The following ANKRD30B variants were observed in gnomAD, a reference collection of about 807,000 sequenced individuals.
ANKRD30B encodes the protein ankyrin repeat domain-containing protein 30B.
ANKRD30B carries 144 observed loss-of-function variants against 202.2 expected under a neutral mutation model. The ratio of observed to expected loss-of-function variants is 0.71; its 90% confidence interval spans 0.62 to 0.82. The LOEUF (loss-of-function observed/expected upper bound fraction) is 0.82, where lower values mean the gene tolerates loss of function less well. ANKRD30B is among the 40% of genes least tolerant of loss of function. The pLI is 0.00. For synonymous variants in ANKRD30B, 508 were observed against 561.3 expected, an observed-to-expected ratio of 0.91 and a Z score of 1.34; for missense variants, 1,487 against 1,669.1, an observed-to-expected ratio of 0.89 and a Z score of 1.90.
the ANKRD30B span, among the ~76,000 whole-genome samples, chr18:14,875,862 G>A: frequency 2.6e-3 from 395 of 152,226 alleles, 3 homozygotes; most frequent in African/African-American, 8.9e-3. Context: ...CTGAAAGTGC[G>A]TTTCTTCATC....
At chr18:14,872,535 A>C in the ANKRD30B span, among the ~76,000 whole-genome samples, 1 of 152,152 alleles carries the variant, frequency 6.6e-6, no homozygotes, top group African/African-American at 2.4e-5. Flanking sequence ...GGTTATATAG[A>C]AATCAATGCA....
chr18:14,825,565 T>C (rs1970624227), intron 32 of ANKRD30B, among the ~76,000 whole-genome samples: 1 of 151,676 alleles, frequency 6.6e-6, no homozygotes, highest in African/African-American at 2.4e-5. Context: ...TGCTACCAAC[T>C]CAAAGTAAAG....
Position 14,852,207 on chromosome 18 carries a change from A to G in ANKRD30B, c.4263A>G (p.Lys1421=), listed in dbSNP as rs567664974. The change falls in exon 42 of 44, where the codon AAA becomes AAG. Residue 1421 remains lysine, a synonymous_variant. Transcript: ENST00000690538. The part of the protein sequence containing the change: ...HTEQQESLEQ[K]LFQLESKNRW... Reference sequence around the variant, plus strand: ...AACAGCAGGAGTCTCTGGAGCAGAAATTATTTCAACTAGAAAGCAAAAATA... The same window carrying G: ...AACAGCAGGAGTCTCTGGAGCAGAAGTTATTTCAACTAGAAAGCAAAAATA... The G allele has an allele frequency of 1.0e-5, 16 of 1,591,818 alleles. No individual in the cohort carries two copies. In the African/African-American group the frequency reaches 1.9e-4, roughly 19 times the overall value.
intron 10 of ANKRD30B, among the ~76,000 whole-genome samples, chr18:14,779,496 T>C (rs771572507): frequency 2.0e-5 from 3 of 152,238 alleles, no homozygotes; most frequent in Non-Finnish European, 2.9e-5. Context: ...TATTTCCTAA[T>C]ATCAAAAAGT....
rs1971238809 is a variant in ANKRD30B at position 14,837,696 on chromosome 18, T to C, written c.2988+20T>C. ...TCTGAGGTACTGTGTATTGTTGTTG[T>C]TGTTATTTTAAAACTTAAGTACTCA... On this transcript the variant is annotated intron_variant, in intron 36 of 43. Coordinates refer to ENST00000690538, the MANE Select transcript of ANKRD30B (RefSeq NM_001367607.2). 3.3e-6 allele frequency: 5 copies of C among 1,533,832 alleles called. No individual in the cohort carries two copies. The highest frequency in any genetic ancestry group is 1.2e-5 in the South Asian group (1 of 80,408).
chr18:14,853,347 A>G (rs912853741), intron 42 of ANKRD30B, among the ~76,000 whole-genome samples: 3 of 152,156 alleles, frequency 2.0e-5, no homozygotes, highest in East Asian at 3.8e-4. Flanking sequence ...GTCAGGAGGG[A>G]TGTGGAGACC....
At chr18:14,883,228 C>G in the ANKRD30B span, among the ~76,000 whole-genome samples, 2 of 151,868 alleles carry the variant, frequency 1.3e-5, no homozygotes, top group African/African-American at 4.8e-5. Context: ...TACAGAGGCA[C>G]ATTAGAATCT....
intron 32 of ANKRD30B, among the ~76,000 whole-genome samples, chr18:14,826,409 A>C (rs1970659273): frequency 1.3e-5 from 2 of 152,166 alleles, no homozygotes; most frequent in Non-Finnish European, 2.9e-5. Flanking sequence ...CAAAAGAATT[A>C]TTTTAGAGTT....
At chr18:14,921,584 G>A in the ANKRD30B span, among the ~76,000 whole-genome samples, 2 of 152,098 alleles carry the variant, frequency 1.3e-5, no homozygotes, top group Non-Finnish European at 1.5e-5. Flanking sequence ...TCATAGAATA[G>A]CCTTCTAAAC....
chr18:14,931,630 G>A, the ANKRD30B span, among the ~76,000 whole-genome samples: 1 of 152,166 alleles, frequency 6.6e-6, no homozygotes, highest in Admixed American at 6.5e-5. Context: ...AAGGGCCTCA[G>A]TGCTCCCTGC....
At chr18:14,932,206 G>C in the ANKRD30B span, among the ~76,000 whole-genome samples, 2 of 151,802 alleles carry the variant, frequency 1.3e-5, no homozygotes, top group South Asian at 4.2e-4. Flanking sequence ...CCTGGGAGGT[G>C]GGGTGGGGGG....
intron 34 of ANKRD30B, among the ~76,000 whole-genome samples, chr18:14,834,910 A>C (rs1221157970): frequency 2.0e-5 from 3 of 152,088 alleles, no homozygotes; most frequent in Admixed American, 6.5e-5. Context: ...TGTAGAATGC[A>C]AAGTGAAATC....
chr18:14,783,908 T>TGA (rs1399667341), intron 12 of ANKRD30B, among the ~76,000 whole-genome samples: 1 of 152,012 alleles, frequency 6.6e-6, no homozygotes, highest in Non-Finnish European at 1.5e-5. Flanking sequence ...ACTTCACTGA[T>TGA]GAGATGTCAA....
the ANKRD30B span, among the ~76,000 whole-genome samples, chr18:14,880,840 T>G: frequency 2.1e-4 from 31 of 150,970 alleles, no homozygotes; most frequent in African/African-American, 7.3e-4. Flanking sequence ...GTTTGTTTTT[T>G]GCAGCTATTG....
At chr18:14,772,128 A>T in intron 8 of ANKRD30B, 28 bp from the exon 9 acceptor site, 1 of 1,389,880 alleles carries the variant, frequency 7.2e-7, no homozygotes, top group Non-Finnish European at 9.6e-7. Context: ...GAATTTGCTC[A>T]TTTATGTTGT....
chr18:14,815,820 G>A (rs140302490), intron 30 of ANKRD30B, among the ~76,000 whole-genome samples: 1 of 152,182 alleles, frequency 6.6e-6, no homozygotes, highest in Non-Finnish European at 1.5e-5. Context: ...TATTCCTGAT[G>A]AGTTTTGTAC....
At chr18:14,795,383 G>T (rs1435550180) in intron 16 of ANKRD30B, among the ~76,000 whole-genome samples, 1 of 152,166 alleles carries the variant, frequency 6.6e-6, no homozygotes, top group African/African-American at 2.4e-5. Flanking sequence ...TTTTTGTGGA[G>T]ACAGGGTTTC....
downstream of ANKRD30B, among the ~76,000 whole-genome samples, chr18:14,856,572 G>A (rs1221767267): frequency 8.6e-6 from 1 of 116,738 alleles, no homozygotes; most frequent in East Asian, 2.5e-4. Context: ...TTCCCAGATG[G>A]GGCGGCCGGG....
chr18:14,866,912 A>AG, the ANKRD30B span, among the ~76,000 whole-genome samples: 2,533 of 151,192 alleles, frequency 0.017, 78 homozygotes, highest in African/African-American at 0.059. Flanking sequence ...TGGCCAATGC[A>AG]GGGGGCAGGT....
Sources: allele counts gnomAD v4.1 joint callset (sites outside exome capture counted in the v4.1 genomes callset), GRCh38; gene constraint gnomAD v4.1.1; transcripts MANE v1.5; gene names NCBI Gene and HGNC (gene_info 2026-07-23, HGNC 2026-07-21).